The following CPNE5 variants were observed in gnomAD, a reference collection of about 807,000 sequenced individuals.
CPNE5 encodes the protein copine-5.
In CPNE5, 42 loss-of-function variants were observed where a neutral mutation model predicts 81.1. The ratio of observed to expected loss-of-function variants is 0.52; its 90% CI spans 0.40 to 0.67. The LOEUF (loss-of-function observed/expected upper bound fraction) is 0.67, where lower values mean the gene tolerates loss of function less well. Among genes scored for constraint, CPNE5 ranks in the 30% least tolerant of loss-of-function variants. The pLI, the probability that CPNE5 is intolerant of heterozygous loss-of-function variation, is 0.00. For synonymous variants in CPNE5, 313 were observed against 321.5 expected (o/e 0.97, Z 0.28); for missense variants, 612 against 815.5 (o/e 0.75, Z 3.04).
intron 1 of CPNE5, chr6:36,827,344 T>C (rs993988028): frequency 7.1e-6 from 7 of 985,180 alleles, no homozygotes; most frequent in Non-Finnish European, 8.4e-6. Context: ...TTTGGACGGG[T>C]GGCTTCACCC....
chr6:36,834,991 G>A (rs73416293), intron 1 of CPNE5, among the ~76,000 whole-genome samples: 4,808 of 152,134 alleles, frequency 0.032, 248 homozygotes, highest in African/African-American at 0.11. Context: ...GCAACAAAAC[G>A]CCAACCCGAA....
intron 15 of CPNE5, 79 bp downstream of exon 15, chr6:36,748,142 G>A: frequency 7.6e-7 from 1 of 1,318,816 alleles, no homozygotes; most frequent in Non-Finnish European, 1.1e-6. Context: ...GAGGGTCATG[G>A]TCCCAGCCAG....
chr6:36,802,866 A>G (rs1390548794), intron 3 of CPNE5, among the ~76,000 whole-genome samples: 1 of 152,090 alleles, frequency 6.6e-6, no homozygotes, highest in Non-Finnish European at 1.5e-5. Context: ...CCTGGCCAAC[A>G]TGGTGAAACC....
At chr6:36,760,034 C>T (rs1468902344) in intron 12 of CPNE5, among the ~76,000 whole-genome samples, 2 of 150,824 alleles carry the variant, frequency 1.3e-5, no homozygotes, top group Admixed American at 6.6e-5. Flanking sequence ...TGGCAAAAAC[C>T]CATCTCTACC....
intron 3 of CPNE5, among the ~76,000 whole-genome samples, chr6:36,803,418 C>T (rs1255539960): frequency 6.6e-6 from 1 of 152,160 alleles, no homozygotes; most frequent in Non-Finnish European, 1.5e-5. Context: ...GAGTCTATTT[C>T]TACCCCTCTA....
intron 18 of CPNE5, among the ~76,000 whole-genome samples, chr6:36,744,707 C>T (rs1246971455): frequency 4.6e-5 from 7 of 152,162 alleles, no homozygotes; most frequent in African/African-American, 7.2e-5. Context: ...AAGGGGGAAG[C>T]GGTCCTAGAG....
At chr6:36,774,411 A>G (rs941948748) in intron 10 of CPNE5, among the ~76,000 whole-genome samples, 7 of 152,164 alleles carry the variant, frequency 4.6e-5, no homozygotes, top group Admixed American at 1.3e-4. Flanking sequence ...GAAATCCCAG[A>G]AGCTCTTTGC....
intron 1 of CPNE5, among the ~76,000 whole-genome samples, chr6:36,825,806 C>T (rs1051563802): frequency 6.6e-6 from 1 of 152,184 alleles, no homozygotes; most frequent in Admixed American, 6.5e-5. Context: ...CCAAAGGTGA[C>T]TCTACAGTGG....
intron 10 of CPNE5, among the ~76,000 whole-genome samples, chr6:36,771,072 G>C (rs1165026253): frequency 6.6e-6 from 1 of 151,916 alleles, no homozygotes; most frequent in African/African-American, 2.4e-5. Context: ...CCTTCTTGCT[G>C]TTCCCCTCTC....
chr6:36,780,987 A>G (rs1767990687), intron 8 of CPNE5, among the ~76,000 whole-genome samples: 1 of 151,954 alleles, frequency 6.6e-6, no homozygotes, highest in Non-Finnish European at 1.5e-5. Flanking sequence ...TTCCAGTACC[A>G]CTCTGCCCCC....
intron 3 of CPNE5, among the ~76,000 whole-genome samples, chr6:36,819,335 A>G (rs544002074): frequency 6.6e-5 from 10 of 152,340 alleles, no homozygotes; most frequent in African/African-American, 2.2e-4. Context: ...CGTGACCTCA[A>G]GTGATCTGCC....
intron 12 of CPNE5, 37 bp from the exon 13 acceptor site, chr6:36,756,335 C>T: frequency 6.3e-7 from 1 of 1,593,802 alleles, no homozygotes; most frequent in Middle Eastern, 1.7e-4. Flanking sequence ...AGGCATGCTT[C>T]CAGGCAGTCA....
chr6:36,770,566 C>A (rs532349518), intron 10 of CPNE5, among the ~76,000 whole-genome samples: 1 of 152,172 alleles, frequency 6.6e-6, no homozygotes, highest in Admixed American at 6.5e-5. Flanking sequence ...AGGGAATGAT[C>A]CCTGACCGTG....
chr6:36,743,976 C>T (rs1051150302), intron 19 of CPNE5, among the ~76,000 whole-genome samples: 2 of 152,232 alleles, frequency 1.3e-5, no homozygotes, highest in African/African-American at 4.8e-5. Flanking sequence ...TGGTTCACCA[C>T]CCTCCCCAGA....
At chr6:36,821,643 G>A (rs1441362556) in intron 3 of CPNE5, among the ~76,000 whole-genome samples, 1 of 152,140 alleles carries the variant, frequency 6.6e-6, no homozygotes, top group Non-Finnish European at 1.5e-5. Context: ...TGGAAGCCAG[G>A]GTGGGTTTTG....
At chr6:36,777,330 G>A (rs536023055) in intron 9 of CPNE5, among the ~76,000 whole-genome samples, 6 of 151,762 alleles carry the variant, frequency 4.0e-5, no homozygotes, top group African/African-American at 1.5e-4. Flanking sequence ...TCACCATGTC[G>A]GTCACGAGGC....
intron 12 of CPNE5, among the ~76,000 whole-genome samples, chr6:36,757,687 A>C (rs916295): frequency 0.56 from 85,412 of 152,002 alleles, 24,851 homozygotes; most frequent in Non-Finnish European, 0.66. Context: ...CCATGGAACA[A>C]GGGGGATCAC....
chr6:36,776,995 C>G (rs1402640544), intron 9 of CPNE5, among the ~76,000 whole-genome samples: 2 of 152,226 alleles, frequency 1.3e-5, no homozygotes, highest in African/African-American at 4.8e-5. Flanking sequence ...TCAGTTTCTT[C>G]AGTGCCCCAC....
intron 8 of CPNE5, among the ~76,000 whole-genome samples, chr6:36,785,472 A>C (rs768989785): frequency 6.6e-6 from 1 of 152,208 alleles, no homozygotes; most frequent in African/African-American, 2.4e-5. Flanking sequence ...AGGCACAGAA[A>C]AGTAACTTGC....
Sources: gnomAD v4.1 joint callset for allele counts (sites outside exome capture counted in the v4.1 genomes callset) on GRCh38, gnomAD v4.1.1 for gene constraint, MANE v1.5 for transcripts, NCBI Gene and HGNC (gene_info 2026-07-23, HGNC 2026-07-21) for gene names.